Variants in EIF2S2 observed in about 807,000 individuals in gnomAD.
The protein encoded by EIF2S2 is eukaryotic translation initiation factor 2 subunit beta.
In EIF2S2, 4 loss-of-function variants were observed where a neutral mutation model predicts 44.0. The observed-to-expected ratio is 0.09, with a 90% CI of 0.04 to 0.21. The LOEUF is 0.21. EIF2S2 is among the 10% of genes least tolerant of loss of function. The pLI, the probability that EIF2S2 is intolerant of heterozygous loss-of-function variation, is 1.00. For missense variants in EIF2S2, 154 were observed against 392.0 expected, an observed-to-expected ratio of 0.39 and a Z score of 5.13; for synonymous variants, 108 against 128.3, an observed-to-expected ratio of 0.84 and a Z score of 1.07.
At chr20:34,091,786 G>GGC in intron 7 of EIF2S2, among the ~76,000 whole-genome samples, 1 of 141,488 alleles carries the variant, frequency 7.1e-6, no homozygotes, top group Non-Finnish European at 1.6e-5. Flanking sequence ...TGGGGGGGGG[G>GGC]GGTCCAAGGG....
At chr20:34,107,277 T>C (rs2122436416) in intron 1 of EIF2S2, among the ~76,000 whole-genome samples, 1 of 152,342 alleles carries the variant, frequency 6.6e-6, no homozygotes, top group South Asian at 2.1e-4. Context: ...TCTCTCCATA[T>C]TCTATTAATA....
intron 3 of EIF2S2, among the ~76,000 whole-genome samples, chr20:34,099,571 A>G (rs1397847148): frequency 6.6e-6 from 1 of 152,086 alleles, no homozygotes; most frequent in Non-Finnish European, 1.5e-5. Context: ...TTTATTTCAG[A>G]CACACACTAT....
chr20:34,099,729 T>C (rs368839211), intron 3 of EIF2S2, among the ~76,000 whole-genome samples: 6 of 152,162 alleles, frequency 3.9e-5, no homozygotes, highest in African/African-American at 1.4e-4. Context: ...ACATTCGCCA[T>C]CAAGAGTCAA....
At chr20:34,096,443 C>T (rs561242229) in intron 6 of EIF2S2, among the ~76,000 whole-genome samples, 1 of 152,138 alleles carries the variant, frequency 6.6e-6, no homozygotes, top group South Asian at 2.1e-4. Flanking sequence ...CCAGCCTGGG[C>T]GACAAAGCAA....
intron 5 of EIF2S2, 48 bp from the exon 6 acceptor site, chr20:34,096,853 G>A (rs772502106): frequency 6.4e-7 from 1 of 1,554,268 alleles, no homozygotes; most frequent in South Asian, 1.2e-5. Flanking sequence ...AACTGCAGGG[G>A]TATAAAGTTC....
intron 1 of EIF2S2, among the ~76,000 whole-genome samples, chr20:34,106,445 T>A (rs1234352818): frequency 4.0e-5 from 4 of 100,694 alleles, no homozygotes; most frequent in African/African-American, 8.6e-5. Context: ...TTTTTTTTTT[T>A]AAATGAAACA....
intron 3 of EIF2S2, among the ~76,000 whole-genome samples, chr20:34,103,082 T>C (rs578082243): frequency 6.6e-6 from 1 of 152,272 alleles, no homozygotes; most frequent in Admixed American, 6.5e-5. Flanking sequence ...TGCTTAGAGG[T>C]ACACATATCA....
At chr20:34,094,459 T>C (rs1000013689) in intron 6 of EIF2S2, among the ~76,000 whole-genome samples, 1 of 152,182 alleles carries the variant, frequency 6.6e-6, no homozygotes. Context: ...AGCAAATGTG[T>C]CAAAAGTTCA....
At chr20:34,099,001 CT>C (rs1601534214) in intron 3 of EIF2S2, among the ~76,000 whole-genome samples, 1 of 152,218 alleles carries the variant, frequency 6.6e-6, no homozygotes, top group Non-Finnish European at 1.5e-5. Context: ...ATCTTTCCCC[CT>C]CATTCATCTC....
In EIF2S2 at chr20:34,096,642, C is replaced by T; in HGVS notation, c.683+15G>A. ...TCTGGCATTTGGGATGAAGGTACTC[C>T]ATTAACCAACTTACAGTTTACAGAT... is the stretch of plus-strand genomic sequence containing the variant. On this transcript the variant is annotated intron_variant, in intron 6 of 8. Coordinates refer to ENST00000374980, the MANE Select transcript of EIF2S2 (RefSeq NM_003908.5). 2 of 1,584,778 alleles carry T rather than the reference C, an allele frequency of 1.3e-6. No individual in the cohort carries two copies. Among genetic ancestry groups the T allele is most frequent in the Non-Finnish European group, 1.7e-6 (2 of 1,169,746 alleles).
chr20:34,103,709 T>TA, intron 2 of EIF2S2, 144 bp from the exon 3 acceptor site: 16 of 1,246,294 alleles, frequency 1.3e-5, no homozygotes, highest in East Asian at 3.9e-5. Context: ...AACTTATGGT[T>TA]CTTTTTTTTT....
rs2034195512 is a variant in EIF2S2, at chr20:34,093,730, A to C, written c.685T>G (p.Leu229Val). The stretch of plus-strand genomic sequence containing the variant: ...AGGAGATGTTTGGGCTGACGATGTA[A>C]TCTAAAAAGAAAATCAAAATATATA... The part of the protein sequence containing the change: ...FVNFTDICKL[L>V]HRQPKHLLAF... The change falls in exon 7 of 9, where the codon TTA becomes GTA. Residue 229 changes from leucine to valine, a missense_variant and splice_region_variant. Physicochemically the swap from Leu to Val is conservative, Grantham distance 32. Coordinates refer to ENST00000374980, the MANE Select transcript of EIF2S2 (RefSeq NM_003908.5). 6.2e-7 allele frequency: 1 copy of C among 1,602,854 alleles called. No individual in the cohort carries two copies. Among genetic ancestry groups the C allele is most frequent in the Admixed American group, 1.7e-5 (1 of 59,222 alleles).
At chr20:34,099,621 T>C (rs2034272956) in intron 3 of EIF2S2, among the ~76,000 whole-genome samples, 1 of 152,174 alleles carries the variant, frequency 6.6e-6, no homozygotes, top group Non-Finnish European at 1.5e-5. Context: ...AAGGGCTCAG[T>C]TCCTCAAGAC....
chr20:34,099,361 GAAAA>G (rs535946701), intron 3 of EIF2S2, among the ~76,000 whole-genome samples: 2 of 110,816 alleles, frequency 1.8e-5, no homozygotes, highest in Admixed American at 9.1e-5. Flanking sequence ...CTGTCTCAAA[GAAAA>G]AAAAAAAAAA....
chr20:34,111,960 C>A, intron 1 of EIF2S2, 136 bp downstream of exon 1: 7 of 1,040,474 alleles, frequency 6.7e-6, no homozygotes, highest in Non-Finnish European at 8.8e-6. Flanking sequence ...CCGGCTCTGC[C>A]GCTCCGGGCC....
chr20:34,094,251 G>GTT (rs1299365642), intron 6 of EIF2S2, among the ~76,000 whole-genome samples: 3 of 152,132 alleles, frequency 2.0e-5, no homozygotes, highest in African/African-American at 7.2e-5. Context: ...ATACATGTGC[G>GTT]TAAGCATCTA....
chr20:34,096,327 T>C (rs2034228378), intron 6 of EIF2S2, among the ~76,000 whole-genome samples: 1 of 152,006 alleles, frequency 6.6e-6, no homozygotes, highest in Admixed American at 6.6e-5. Flanking sequence ...TGGTCGGGCA[T>C]GGTGGTGTGC....
At chr20:34,106,660 G>A (rs1044010507) in intron 1 of EIF2S2, among the ~76,000 whole-genome samples, 1 of 151,976 alleles carries the variant, frequency 6.6e-6, no homozygotes, top group East Asian at 1.9e-4. Context: ...TTGAACTCCT[G>A]GGCTCAAATG....
chr20:34,092,692 C>T (rs76526863), intron 7 of EIF2S2, among the ~76,000 whole-genome samples: 11,540 of 152,070 alleles, frequency 0.076, 582 homozygotes, highest in Middle Eastern at 0.15. Context: ...AACAACAAAA[C>T]CCACAATTCT....
Sources: gnomAD v4.1 joint callset for allele counts (sites outside exome capture counted in the v4.1 genomes callset) on GRCh38, gnomAD v4.1.1 for gene constraint, MANE v1.5 for transcripts, NCBI Gene and HGNC (gene_info 2026-07-23, HGNC 2026-07-21) for gene names.